Variants in ALG12 observed in about 807,000 individuals in gnomAD.
ALG12 encodes dol-P-Man:Man(7)GlcNAc(2)-PP-Dol alpha-1,6-mannosyltransferase.
ALG12 carries 36 observed loss-of-function variants against 46.0 expected under a neutral mutation model. That is an observed-to-expected ratio of 0.78 (90% confidence interval 0.60 to 1.03). The LOEUF (loss-of-function observed/expected upper bound fraction) is 1.03, where lower values mean the gene tolerates loss of function less well. ALG12 is among the 50% of genes least tolerant of loss of function. The probability of loss-of-function intolerance (pLI) is 0.00; values close to 1 mark genes in which losing one functional copy is unlikely to be tolerated. For missense variants in ALG12, 599 were observed against 633.5 expected (o/e 0.95, Z 0.58); for synonymous variants, 326 against 291.6 (o/e 1.12, Z -1.20).
chr22:49,917,469 G>A (rs1363472355), intron 1 of ALG12, among the ~76,000 whole-genome samples: 8 of 152,174 alleles, frequency 5.3e-5, no homozygotes, highest in East Asian at 3.9e-4. Context: ...TCAGGACTTC[G>A]AGACCAGCCT....
intron 1 of ALG12, among the ~76,000 whole-genome samples, chr22:49,916,103 C>G (rs1569179248): frequency 1.3e-5 from 2 of 151,246 alleles, no homozygotes. Context: ...ACTAAAAATA[C>G]AAAAAAATTA....
At chr22:49,875,935 AT>A in the ALG12 span, among the ~76,000 whole-genome samples, 541 of 87,656 alleles carry the variant, frequency 6.2e-3, 2 homozygotes, top group African/African-American at 0.014. Flanking sequence ...GGTTTCATTG[AT>A]TTTTTTTCTT....
the ALG12 span, among the ~76,000 whole-genome samples, chr22:49,891,273 T>C: frequency 6.6e-6 from 1 of 152,212 alleles, no homozygotes; most frequent in Non-Finnish European, 1.5e-5. Flanking sequence ...ATGCCACTTG[T>C]TTAAAATTTC....
At chr22:49,896,982 A>T (rs2060485793), downstream of ALG12, among the ~76,000 whole-genome samples, 1 of 151,930 alleles carries the variant, frequency 6.6e-6, no homozygotes, top group Admixed American at 6.6e-5. Context: ...AGTCAAAAAA[A>T]AAAACAATTC....
At chr22:49,885,902 C>A in the ALG12 span, 1 of 1,048,080 alleles carries the variant, frequency 9.5e-7, no homozygotes, top group Non-Finnish European at 1.5e-6. Flanking sequence ...CTGACCCTCA[C>A]GGCCCACTGG....
Position 49,904,341 on chromosome 22 carries a change from C to CT in ALG12, c.1157dup (p.Thr387AspfsTer8). ...GGCAGTGCCCCCAGCACCCACCTGT[C>CT]TGGGGGGGCACCAGCTGGTGCAGCC... On this transcript the variant is annotated frameshift_variant, in exon 8 of 10. Coordinates refer to ENST00000330817, the MANE Select transcript of ALG12 (RefSeq NM_024105.4). LOFTEE classifies it high-confidence loss of function. 6.2e-7 allele frequency: 1 copy of CT among 1,614,222 alleles called. No homozygotes were observed. The highest frequency in any genetic ancestry group is 8.5e-7 in the Non-Finnish European group (1 of 1,180,046).
intron 1 of ALG12, among the ~76,000 whole-genome samples, chr22:49,916,138 A>G (rs1016123977): frequency 2.0e-5 from 3 of 152,092 alleles, no homozygotes; most frequent in Admixed American, 1.3e-4. Flanking sequence ...GAGTAGTCCC[A>G]GCTACTTGGG....
the ALG12 span, among the ~76,000 whole-genome samples, chr22:49,872,288 T>A: frequency 6.6e-6 from 1 of 152,226 alleles, no homozygotes; most frequent in African/African-American, 2.4e-5. Context: ...CTAGTTTCTT[T>A]GCTCATCCCT....
At chr22:49,861,056 A>C in the ALG12 span, among the ~76,000 whole-genome samples, 1 of 151,770 alleles carries the variant, frequency 6.6e-6, no homozygotes, top group Non-Finnish European at 1.5e-5. Flanking sequence ...GATAATGGGC[A>C]TGAGCCACCA....
At chr22:49,913,918 G>A in intron 1 of ALG12, 75 bp from the exon 2 acceptor site, 1 of 938,154 alleles carries the variant, frequency 1.1e-6, no homozygotes, top group Non-Finnish European at 1.7e-6. Context: ...CGGGTAAAGG[G>A]TTAGCAGAAT....
At position 49,903,347 on chromosome 22, in the gene ALG12, C is replaced by G. The variant is rs886057612; in HGVS notation, c.*491G>C. 1 of 457,636 alleles carries G rather than the reference C, an allele frequency of 2.2e-6. No homozygotes were observed. The highest frequency in any genetic ancestry group is 2.4e-5 in the Admixed American group (1 of 42,548). The allele number at this position is 457,636 out of a possible 1,614,324, so 28.3% of individuals were successfully genotyped here. A position where few individuals can be genotyped will look rare whatever the true frequency, so the allele number is the denominator to read the frequency against. ...GAATACAAAAGTTGCAGTGGTGGCA[C>G]CAGGGTGGGGGGGTGCGGCCGGGGC... On this transcript the variant is annotated 3_prime_UTR_variant, in exon 10 of 10. Transcript: ENST00000330817.
At chr22:49,892,586 G>A in the ALG12 span, among the ~76,000 whole-genome samples, 1 of 152,172 alleles carries the variant, frequency 6.6e-6, no homozygotes, top group African/African-American at 2.4e-5. Context: ...AGACATCTTT[G>A]GGCAAGGGAG....
At position 49,904,154 on chromosome 22, in the gene ALG12, GGGCCGTGCTGTGT is replaced by G. The variant is rs1241942421; in HGVS notation, c.1238+12_1238+24del. The G allele has an allele frequency of 8.7e-6, 14 of 1,614,212 alleles. No individual in the cohort carries two copies. The highest frequency in any genetic ancestry group is 1.2e-5 in the Non-Finnish European group (14 of 1,180,016). ...AGGGGCCCTCACATGGCCTCTGGGA[GGGCCGTGCTGTGT>G]GTGGATCCTACCTCCAGGCGCTGTT... On this transcript the variant is annotated intron_variant, in intron 9 of 9. Transcript: ENST00000330817.
At chr22:49,860,277 C>T in the ALG12 span, among the ~76,000 whole-genome samples, 165 of 152,194 alleles carry the variant, frequency 1.1e-3, 2 homozygotes, top group Non-Finnish European at 2.0e-3. Context: ...GCTGCCTGGG[C>T]GACAGAGTGA....
rs1394824696 is a variant in ALG12, at chr22:49,906,801, G to A, written c.992+920C>T. ...GCCAGCCTCAGCCCTGGGTTCTTCC[G>A]CAGCACCCACAGGGCCAGCAGTGAT... On this transcript the variant is annotated intron_variant, in intron 7 of 9. Coordinates refer to ENST00000330817, the MANE Select transcript of ALG12 (RefSeq NM_024105.4). This position sits in a 1 kb window ranked among gnomAD's most constrained non-coding sequence, Gnocchi z 4.4. 1.3e-5 allele frequency among the ~76,000 whole-genome samples: 2 copies of A among 152,084 alleles called. No homozygotes were observed. The highest frequency in any genetic ancestry group is 2.4e-5 in the African/African-American group (1 of 41,396).
the ALG12 span, chr22:49,886,735 T>C: frequency 6.2e-7 from 1 of 1,613,182 alleles, no homozygotes; most frequent in South Asian, 1.1e-5. This position sits in a 1 kb window ranked among gnomAD's most constrained non-coding sequence, Gnocchi z 7.7. Context: ...GGCGGAGCAG[T>C]ACAAACAGGA....
chr22:49,874,672 CT>C, the ALG12 span, among the ~76,000 whole-genome samples: 2 of 37,314 alleles, frequency 5.4e-5, no homozygotes, highest in Non-Finnish European at 8.8e-5. Context: ...CATGCCCAGC[CT>C]TTTTTTTTTT....
the ALG12 span, among the ~76,000 whole-genome samples, chr22:49,866,867 T>G: frequency 2.0e-5 from 3 of 152,220 alleles, no homozygotes; most frequent in Non-Finnish European, 4.4e-5. Context: ...ATCAAGATGC[T>G]GGCGGCTCTT....
chr22:49,900,159 GT>G (rs1186875242), downstream of ALG12: 1 of 152,264 alleles, frequency 6.6e-6, no homozygotes, highest in Admixed American at 6.5e-5. Context: ...GCAAGACCCT[GT>G]CTCTAAAACA....
Sources: allele counts gnomAD v4.1 joint callset (sites outside exome capture counted in the v4.1 genomes callset), GRCh38; gene constraint gnomAD v4.1.1; non-coding constraint Gnocchi (gnomAD v3.1); transcripts MANE v1.5; gene names NCBI Gene and HGNC (gene_info 2026-07-23, HGNC 2026-07-21).